The following ANGPT1 variants were observed in gnomAD, a reference collection of about 807,000 sequenced individuals.
The protein encoded by ANGPT1 is angiopoietin 1, also known as angiopoietin-1.
A neutral mutation model predicts 62.2 loss-of-function variants in ANGPT1; 17 were observed. The ratio of observed to expected loss-of-function variants is 0.27; its 90% CI spans 0.19 to 0.41. The LOEUF (loss-of-function observed/expected upper bound fraction) is 0.41, where lower values mean the gene tolerates loss of function less well. ANGPT1 is among the 10% of genes least tolerant of loss of function. The pLI, the probability that ANGPT1 is intolerant of heterozygous loss-of-function variation, is 1.00. For synonymous variants in ANGPT1, 199 were observed against 198.9 expected (o/e 1.00, Z 0.00); for missense variants, 478 against 594.9 (o/e 0.80, Z 2.04).
intron 1 of ANGPT1, among the ~76,000 whole-genome samples, chr8:107,437,360 G>A (rs59642523): frequency 6.6e-6 from 1 of 152,086 alleles, no homozygotes; most frequent in African/African-American, 2.4e-5. Context: ...ATAGAGAAAG[G>A]TATCACTAAC....
intron 1 of ANGPT1, among the ~76,000 whole-genome samples, chr8:107,353,004 A>G (rs978800848): frequency 2.6e-5 from 4 of 152,158 alleles, no homozygotes; most frequent in Non-Finnish European, 4.4e-5. Flanking sequence ...TATTATTTTC[A>G]GGGATTTCTA....
intron 1 of ANGPT1, among the ~76,000 whole-genome samples, chr8:107,477,270 C>G (rs1005254850): frequency 6.6e-6 from 1 of 152,038 alleles, no homozygotes. Context: ...GAGGATGGAG[C>G]GGGAGAGAGT....
chr8:107,435,193 C>G (rs561471299), intron 1 of ANGPT1, among the ~76,000 whole-genome samples: 1 of 152,194 alleles, frequency 6.6e-6, no homozygotes, highest in South Asian at 2.1e-4. Context: ...CTGCACTTGT[C>G]TGTAAATTAA....
intron 7 of ANGPT1, among the ~76,000 whole-genome samples, chr8:107,273,177 CG>C (rs1420384008): frequency 6.6e-6 from 1 of 152,024 alleles, no homozygotes; most frequent in Non-Finnish European, 1.5e-5. Flanking sequence ...AACAAATTCT[CG>C]GGAGGTAGAT....
At chr8:107,429,506 C>T (rs904522903) in intron 1 of ANGPT1, among the ~76,000 whole-genome samples, 2 of 152,166 alleles carry the variant, frequency 1.3e-5, no homozygotes, top group African/African-American at 4.8e-5. Flanking sequence ...AAGGAGCTTG[C>T]TTTCTGAGAG....
chr8:107,411,041 A>AT (rs979574097), intron 1 of ANGPT1, among the ~76,000 whole-genome samples: 27 of 152,178 alleles, frequency 1.8e-4, no homozygotes, highest in African/African-American at 6.0e-4. Flanking sequence ...AAATCATAGG[A>AT]TAAAAACTCA....
At chr8:107,395,717 G>T (rs1816921771) in intron 1 of ANGPT1, among the ~76,000 whole-genome samples, 1 of 152,124 alleles carries the variant, frequency 6.6e-6, no homozygotes. Context: ...ATTTATGTAT[G>T]TGTTTCTTTG....
At chr8:107,427,249 A>AG (rs1811064286) in intron 1 of ANGPT1, among the ~76,000 whole-genome samples, 1 of 152,138 alleles carries the variant, frequency 6.6e-6, no homozygotes, top group Admixed American at 6.5e-5. Flanking sequence ...AATGGGGGTT[A>AG]GGGGCTGCCT....
chr8:107,388,304 A>G (rs1393207790), intron 1 of ANGPT1, among the ~76,000 whole-genome samples: 1 of 152,112 alleles, frequency 6.6e-6, no homozygotes, highest in Non-Finnish European at 1.5e-5. Context: ...GGTCCTAGCT[A>G]CTTCAGAGGC....
At chr8:107,298,073 C>A (rs761018487) in intron 5 of ANGPT1, among the ~76,000 whole-genome samples, 3 of 151,810 alleles carry the variant, frequency 2.0e-5, no homozygotes, top group Non-Finnish European at 2.9e-5. Context: ...TTAACTCTAT[C>A]CAAGAAATGA....
intron 2 of ANGPT1, among the ~76,000 whole-genome samples, chr8:107,341,493 G>C (rs575026078): frequency 6.6e-6 from 1 of 150,786 alleles, no homozygotes; most frequent in South Asian, 2.1e-4. Context: ...TATGAATGTA[G>C]AAATTAGATA....
intron 1 of ANGPT1, among the ~76,000 whole-genome samples, chr8:107,460,727 A>G (rs1000977161): frequency 4.6e-5 from 7 of 152,198 alleles, no homozygotes; most frequent in African/African-American, 1.7e-4. Context: ...ATTCAATTAC[A>G]GGCAATTTTT....
chr8:107,303,301 G>A lies in ANGPT1; in HGVS notation c.875C>T (p.Ala292Val). 1 of 1,598,850 alleles carries A rather than the reference G, an allele frequency of 6.3e-7. No individual in the cohort carries two copies. Among genetic ancestry groups the A allele is most frequent in the Non-Finnish European group, 8.5e-7 (1 of 1,171,420 alleles). The change falls in exon 5 of 9, where the codon GCT becomes GTT. Residue 292 changes from alanine (A) to valine (V), a missense_variant. By Grantham distance (64) the Ala-to-Val change is moderately conservative (BLOSUM62 0). Coordinates refer to ENST00000517746, the MANE Select transcript of ANGPT1 (RefSeq NM_001146.5). ...GTAGATTCCACTTTTATTAAAACCA[G>A]CTTGATATACATCTGCACAGTCTCT... is the stretch of plus-strand genomic sequence containing the variant. ...PFRDCADVYQ[A>V]GFNKSGIYTI...
chr8:107,487,291 C>T (rs1812839417), intron 1 of ANGPT1, among the ~76,000 whole-genome samples: 1 of 152,048 alleles, frequency 6.6e-6, no homozygotes, highest in Non-Finnish European at 1.5e-5. Flanking sequence ...GCCGGGAGGT[C>T]CCTTTGAATC....
chr8:107,275,603 C>T (rs1159950453), intron 7 of ANGPT1, among the ~76,000 whole-genome samples: 1 of 152,196 alleles, frequency 6.6e-6, no homozygotes, highest in Non-Finnish European at 1.5e-5. Flanking sequence ...TCCGACCCCA[C>T]TCCATATCCA....
At chr8:107,475,098 T>C (rs1282209056) in intron 1 of ANGPT1, among the ~76,000 whole-genome samples, 1 of 152,140 alleles carries the variant, frequency 6.6e-6, no homozygotes, top group Non-Finnish European at 1.5e-5. Context: ...AAAGTTCATA[T>C]GGAACTAAAA....
chr8:107,432,527 G>A (rs1470617300), intron 1 of ANGPT1, among the ~76,000 whole-genome samples: 1 of 152,094 alleles, frequency 6.6e-6, no homozygotes, highest in Admixed American at 6.6e-5. Flanking sequence ...AGCCACGCAT[G>A]GTGGCGGGTG....
chr8:107,373,253 T>C (rs1007593143), intron 1 of ANGPT1, among the ~76,000 whole-genome samples: 5 of 142,660 alleles, frequency 3.5e-5, no homozygotes, highest in African/African-American at 1.0e-4. Flanking sequence ...ACACTATTTT[T>C]AGTCAAGTAC....
intron 1 of ANGPT1, among the ~76,000 whole-genome samples, chr8:107,466,609 G>A (rs1389057307): frequency 6.6e-6 from 1 of 152,014 alleles, no homozygotes; most frequent in African/African-American, 2.4e-5. Flanking sequence ...ATGAACATCG[G>A]TTGTTAAAAA....
Sources: gnomAD v4.1 joint callset for allele counts (sites outside exome capture counted in the v4.1 genomes callset) on GRCh38, gnomAD v4.1.1 for gene constraint, MANE v1.5 for transcripts, NCBI Gene and HGNC (gene_info 2026-07-23, HGNC 2026-07-21) for gene names.